ANK2: variants seen among roughly 807,000 people sequenced by gnomAD.
ANK2 encodes ankyrin-2.
In ANK2, 83 loss-of-function variants were observed where a neutral mutation model predicts 360.5. That is an observed-to-expected ratio of 0.23 (90% CI 0.19 to 0.28). ANK2 has a LOEUF of 0.28. Ranked by LOEUF, ANK2 falls within the 10% of genes least tolerant of loss-of-function variation. The probability of loss-of-function intolerance (pLI) is 1.00; values close to 1 mark genes in which losing one functional copy is unlikely to be tolerated. For missense variants in ANK2, 4,201 were observed against 4,795.7 expected (o/e 0.88, Z 3.66); for synonymous variants, 1,740 against 1,759.5 (o/e 0.99, Z 0.28).
intron 1 of ANK2, chr4:112,826,273 G>T: frequency 1.9e-6 from 1 of 515,738 alleles, no homozygotes; most frequent in Non-Finnish European, 3.3e-6. Context: ...TTACTATTTT[G>T]ACTATAAATT....
At chr4:112,851,603 A>G (rs755121206) in intron 1 of ANK2, among the ~76,000 whole-genome samples, 4 of 152,004 alleles carry the variant, frequency 2.6e-5, no homozygotes, top group Non-Finnish European at 5.9e-5. Flanking sequence ...AGAGTCGAAT[A>G]TTAAAGTACA....
At chr4:112,821,039 G>A (rs1184370845) in intron 1 of ANK2, among the ~76,000 whole-genome samples, 2 of 152,204 alleles carry the variant, frequency 1.3e-5, no homozygotes, top group African/African-American at 4.8e-5. Context: ...AGCCTCCCGA[G>A]TAGCTGAGAT....
At chr4:113,085,321 C>A (rs144618509) in intron 1 of ANK2, among the ~76,000 whole-genome samples, 1 of 148,468 alleles carries the variant, frequency 6.7e-6, no homozygotes, top group East Asian at 2.0e-4. Flanking sequence ...TTTTCTTTTT[C>A]TTTTTTTTTT....
At chr4:113,151,132 A>G (rs1315688197) in intron 1 of ANK2, 10 of 1,288,582 alleles carry the variant, frequency 7.8e-6, no homozygotes, top group Non-Finnish European at 1.0e-5. Flanking sequence ...AAGGTGATGG[A>G]AGCAAAAAAA....
At chr4:112,763,511 C>T in the ANK2 span, among the ~76,000 whole-genome samples, 4 of 147,874 alleles carry the variant, frequency 2.7e-5, no homozygotes, top group Non-Finnish European at 5.9e-5. Flanking sequence ...GGATTATAAG[C>T]GTGAGCCACA....
chr4:112,741,493 C>T, the ANK2 span, among the ~76,000 whole-genome samples: 1 of 152,088 alleles, frequency 6.6e-6, no homozygotes, highest in South Asian at 2.1e-4. Context: ...CCCTCTTTAG[C>T]GATAGGGTGG....
At chr4:112,918,200 A>G (rs796293166) in intron 2 of ANK2, among the ~76,000 whole-genome samples, 8 of 152,230 alleles carry the variant, frequency 5.3e-5, no homozygotes, top group African/African-American at 1.9e-4. Context: ...CTTCCTGGAA[A>G]AGTCTTGAGA....
chr4:112,966,532 T>G (rs145029242), intron 2 of ANK2, among the ~76,000 whole-genome samples: 2,494 of 152,164 alleles, frequency 0.016, 28 homozygotes, highest in Middle Eastern at 0.035. Flanking sequence ...TTAACTTAAT[T>G]CTATAATAAG....
At chr4:112,871,052 C>T (rs1035733126) in intron 1 of ANK2, among the ~76,000 whole-genome samples, 3 of 151,836 alleles carry the variant, frequency 2.0e-5, no homozygotes, top group Non-Finnish European at 2.9e-5. Context: ...TATTTGATTG[C>T]GTTTGATGCT....
intron 1 of ANK2, among the ~76,000 whole-genome samples, chr4:113,159,901 C>T (rs867437138): frequency 4.6e-5 from 7 of 151,984 alleles, no homozygotes; most frequent in Non-Finnish European, 7.4e-5. Context: ...GAATTTCAGA[C>T]GTGAGCCACT....
At chr4:113,267,233 G>A (rs889606314) in intron 14 of ANK2, among the ~76,000 whole-genome samples, 7 of 152,120 alleles carry the variant, frequency 4.6e-5, no homozygotes, top group African/African-American at 1.4e-4. Flanking sequence ...TTCTTTTGCT[G>A]TACAGAAGCT....
chr4:113,008,181 T>G, intron 2 of ANK2, among the ~76,000 whole-genome samples: 1 of 151,900 alleles, frequency 6.6e-6, no homozygotes, highest in East Asian at 1.9e-4. Context: ...ACTAGGGTTA[T>G]AGTTTCAGGA....
intron 4 of ANK2, among the ~76,000 whole-genome samples, chr4:113,205,862 GAGCCATCCTTGGCTCTGAA>G (rs2153432157): frequency 6.6e-6 from 1 of 152,242 alleles, no homozygotes. Flanking sequence ...TATGGTCTTA[GAGCCATCCTTGGCTCTGAA>G]AGCAAAAACT....
intron 4 of ANK2, 78 bp downstream of exon 4, chr4:113,199,187 C>A: frequency 8.9e-7 from 1 of 1,124,878 alleles, no homozygotes; most frequent in Non-Finnish European, 1.3e-6. Flanking sequence ...ATGTGTTTAG[C>A]TAGCTGTTCT....
rs142320020 is a variant in ANK2, at chr4:113,360,010, G to A, written c.10681+711G>A. Among the ~76,000 whole-genome samples the A allele has an allele frequency of 2.7e-3, 413 of 152,240 alleles. 1 individual carries two copies. The highest frequency in any genetic ancestry group is 3.6e-3 in the Admixed American group (55 of 15,280). ...GATGGCTCTTTGACTTATAAAAAAGGAAACCATAGATGGCTTTGAAAAGTA... is the reference window on the plus strand; with the variant it reads ...GATGGCTCTTTGACTTATAAAAAAGAAAACCATAGATGGCTTTGAAAAGTA... On this transcript the variant is annotated intron_variant, in intron 38 of 45. Transcript: ENST00000357077.
intron 2 of ANK2, among the ~76,000 whole-genome samples, chr4:112,946,668 A>T (rs1037845270): frequency 2.6e-5 from 4 of 152,180 alleles, no homozygotes; most frequent in Non-Finnish European, 4.4e-5. Context: ...TAAGTGTAAA[A>T]ATCTAATTTT....
At chr4:113,304,984 T>C (rs1476105006) in intron 23 of ANK2, among the ~76,000 whole-genome samples, 3 of 152,238 alleles carry the variant, frequency 2.0e-5, no homozygotes, top group Admixed American at 2.0e-4. Flanking sequence ...AAATAATTGC[T>C]GGAGAATTCC....
At chr4:112,726,286 T>A in the ANK2 span, among the ~76,000 whole-genome samples, 8 of 152,218 alleles carry the variant, frequency 5.3e-5, no homozygotes, top group African/African-American at 1.7e-4. Context: ...TATGCCTGAG[T>A]ATGTATAAAG....
chr4:112,890,118 C>T (rs2150628656), intron 1 of ANK2, among the ~76,000 whole-genome samples: 1 of 152,328 alleles, frequency 6.6e-6, no homozygotes, highest in South Asian at 2.1e-4. Flanking sequence ...TTATAACATT[C>T]AGACCCCTCC....
Sources: gnomAD v4.1 joint callset for allele counts (sites outside exome capture counted in the v4.1 genomes callset) on GRCh38, gnomAD v4.1.1 for gene constraint, MANE v1.5 for transcripts, NCBI Gene and HGNC (gene_info 2026-07-23, HGNC 2026-07-21) for gene names.